SLCO5A1: variants seen among roughly 807,000 people sequenced by gnomAD.
SLCO5A1 encodes solute carrier organic anion transporter family member 5A1.
SLCO5A1 carries 39 observed loss-of-function variants against 65.1 expected under a neutral mutation model. The observed-to-expected ratio is 0.60, with a 90% confidence interval of 0.46 to 0.78. SLCO5A1 has a LOEUF of 0.78. Ranked by LOEUF, SLCO5A1 falls within the 30% of genes least tolerant of loss-of-function variation. SLCO5A1 has a pLI of 0.00. For synonymous variants in SLCO5A1, 438 were observed against 415.7 expected (o/e 1.05, Z -0.65); for missense variants, 1,029 against 1,069.4 (o/e 0.96, Z 0.53).
At chr8:69,728,299 T>C (rs1326181682) in intron 5 of SLCO5A1, among the ~76,000 whole-genome samples, 1 of 152,148 alleles carries the variant, frequency 6.6e-6, no homozygotes, top group Non-Finnish European at 1.5e-5. Flanking sequence ...TGGCTTCCTA[T>C]AGAGAGAGGA....
At chr8:69,690,136 C>T (rs1454821866) in intron 6 of SLCO5A1, among the ~76,000 whole-genome samples, 1 of 152,240 alleles carries the variant, frequency 6.6e-6, no homozygotes, top group Non-Finnish European at 1.5e-5. Flanking sequence ...TCAACAGGGT[C>T]TTCTTTCCCC....
At chr8:69,764,279 T>C (rs1221713940) in intron 2 of SLCO5A1, among the ~76,000 whole-genome samples, 1 of 152,226 alleles carries the variant, frequency 6.6e-6, no homozygotes, top group Admixed American at 6.5e-5. Flanking sequence ...TAAGGAAGCT[T>C]TGCCATATCC....
At chr8:69,763,719 T>C (rs925038084) in intron 2 of SLCO5A1, among the ~76,000 whole-genome samples, 1 of 151,530 alleles carries the variant, frequency 6.6e-6, no homozygotes, top group South Asian at 2.1e-4. Flanking sequence ...ATTTTCACTT[T>C]TATAATTTAA....
chr8:69,762,335 C>G (rs1023282093), intron 2 of SLCO5A1, among the ~76,000 whole-genome samples: 1 of 151,854 alleles, frequency 6.6e-6, no homozygotes, highest in African/African-American at 2.4e-5. Context: ...TACAGGCGCC[C>G]GCCACCACAC....
At chr8:69,828,611 A>AT (rs1291709615) in intron 2 of SLCO5A1, among the ~76,000 whole-genome samples, 6 of 141,446 alleles carry the variant, frequency 4.2e-5, no homozygotes, top group African/African-American at 1.5e-4. Context: ...AAAAAAAAAA[A>AT]GAAAAGAAAA....
At chr8:69,817,099 A>G (rs1820442214) in intron 2 of SLCO5A1, among the ~76,000 whole-genome samples, 1 of 152,220 alleles carries the variant, frequency 6.6e-6, no homozygotes, top group Non-Finnish European at 1.5e-5. Context: ...CAGATCTCTC[A>G]GAACTTTTGC....
intron 4 of SLCO5A1, 46 bp downstream of exon 4, chr8:69,755,349 ATGGGCCTGGGACCACACTATGAGTAGCAC>A: frequency 1.6e-6 from 2 of 1,238,458 alleles, no homozygotes; most frequent in Non-Finnish European, 2.3e-6. Context: ...GGTAGACAGC[ATGGGCCTGGGACCACACTATGAGTAGCAC>A]TGATCAAAGT....
intron 2 of SLCO5A1, among the ~76,000 whole-genome samples, chr8:69,799,623 G>T (rs1819651653): frequency 6.6e-6 from 1 of 152,210 alleles, no homozygotes; most frequent in African/African-American, 2.4e-5. Flanking sequence ...TTAACTCACA[G>T]TTCAACATGG....
chr8:69,735,098 T>C (rs1412258605), intron 5 of SLCO5A1, among the ~76,000 whole-genome samples: 1 of 152,076 alleles, frequency 6.6e-6, no homozygotes, highest in Non-Finnish European at 1.5e-5. Flanking sequence ...ATTAGAGAAA[T>C]GCAAATCAAA....
intron 2 of SLCO5A1, among the ~76,000 whole-genome samples, chr8:69,767,889 CAAAAAAAAAAAA>C (rs746004982): frequency 5.7e-5 from 2 of 35,046 alleles, no homozygotes; most frequent in East Asian, 6.7e-4. Context: ...GACTCCATCT[CAAAAAAAAAAAA>C]AAAAAAAAAA....
At chr8:69,759,311 A>G (rs749160753) in intron 3 of SLCO5A1, among the ~76,000 whole-genome samples, 1 of 152,178 alleles carries the variant, frequency 6.6e-6, no homozygotes, top group Non-Finnish European at 1.5e-5. Flanking sequence ...CCCTCATTAT[A>G]TATTTCTATA....
rs141366830 is a variant in SLCO5A1, at chr8:69,697,991, C to A, written c.1622+7040G>T. Among the ~76,000 whole-genome samples, 68 of 152,222 alleles carry A rather than the reference C, an allele frequency of 4.5e-4. 1 individual carries two copies. In the South Asian group the frequency reaches 7.3e-3, roughly 16 times the overall value. ...GGTAATCAGCACAGTACTCAATGGG[C>A]AGTTTTTCCAACCTCTCCCTCTTCC... On this transcript the variant is annotated intron_variant, in intron 6 of 9. Coordinates refer to ENST00000260126, the MANE Select transcript of SLCO5A1 (RefSeq NM_030958.3).
intron 2 of SLCO5A1, 111 bp downstream of exon 2, chr8:69,831,656 T>C: frequency 8.4e-7 from 1 of 1,192,774 alleles, no homozygotes; most frequent in Non-Finnish European, 1.2e-6. Context: ...AAGTGAACTT[T>C]AATCTATAAT....
At position 69,673,088 on chromosome 8, in the gene SLCO5A1, G is replaced by C. The variant is rs80078382; in HGVS notation, c.2328C>G (p.Pro776=). Reference sequence around the variant, plus strand: ...CCACTCTCTCACTCACGGTGCTCAGGGGAAATTCTCTCTGCCTCCGCCTCT... The same window carrying C: ...CCACTCTCTCACTCACGGTGCTCAGCGGAAATTCTCTCTGCCTCCGCCTCT... The part of the protein sequence containing the change: ...GLQRRRQREF[P]LSTVSERVGH... The change falls in exon 10 of 10, where the codon CCC becomes CCG. Residue 776 remains proline (P), a synonymous_variant. Transcript: ENST00000260126. The C allele has an allele frequency of 8.8e-4, 1,428 of 1,614,202 alleles. 10 individuals carry two copies. In the African/African-American group the frequency reaches 0.015, roughly 17 times the overall value.
At chr8:69,774,414 T>C (rs1818474535) in intron 2 of SLCO5A1, among the ~76,000 whole-genome samples, 1 of 152,220 alleles carries the variant, frequency 6.6e-6, no homozygotes, top group African/African-American at 2.4e-5. Context: ...AAGGTGGGTT[T>C]GCTGGGTCCT....
intron 4 of SLCO5A1, among the ~76,000 whole-genome samples, chr8:69,740,855 G>A (rs1169846797): frequency 6.6e-6 from 1 of 152,166 alleles, no homozygotes; most frequent in Non-Finnish European, 1.5e-5. Flanking sequence ...TGCTAAACCA[G>A]TAAGCAAAAA....
chr8:69,820,100 T>G (rs1405277889), intron 2 of SLCO5A1, among the ~76,000 whole-genome samples: 1 of 152,232 alleles, frequency 6.6e-6, no homozygotes, highest in South Asian at 2.1e-4. Flanking sequence ...CTCTCCCATA[T>G]AGCCTGGAAA....
At chr8:69,767,908 AAAAC>A (rs1416365960) in intron 2 of SLCO5A1, among the ~76,000 whole-genome samples, 25 of 137,394 alleles carry the variant, frequency 1.8e-4, no homozygotes, top group African/African-American at 6.7e-4. Context: ...AAAAAAAAAA[AAAAC>A]AAAAAGAAAA....
rs373156731 is a variant in SLCO5A1 at position 69,796,067 on chromosome 8, G to T, written c.908-34192C>A. On this transcript the variant is annotated intron_variant, in intron 2 of 9. Transcript: ENST00000260126. Reference sequence around the variant, plus strand: ...CAGGGCAGGGGGGGCCCTGGGTCTGGCCCATGAAATCACTCTTCCCTTCTA... The same window carrying T: ...CAGGGCAGGGGGGGCCCTGGGTCTGTCCCATGAAATCACTCTTCCCTTCTA... Among the ~76,000 whole-genome samples the T allele has an allele frequency of 2.0e-5, 3 of 152,320 alleles. No individual in the cohort carries two copies. In the South Asian group the frequency reaches 6.2e-4, roughly 32 times the overall value.
Sources: gnomAD v4.1 joint callset for allele counts (sites outside exome capture counted in the v4.1 genomes callset) on GRCh38, gnomAD v4.1.1 for gene constraint, MANE v1.5 for transcripts, NCBI Gene and HGNC (gene_info 2026-07-23, HGNC 2026-07-21) for gene names.